The following ACLY variants were observed in gnomAD, a reference collection of about 807,000 sequenced individuals.
ACLY encodes the protein ATP-citrate synthase.
ACLY carries 41 observed loss-of-function variants against 133.0 expected under a neutral mutation model. The observed-to-expected ratio is 0.31, with a 90% CI of 0.24 to 0.40. The LOEUF (loss-of-function observed/expected upper bound fraction) is 0.40. Ranked by LOEUF, ACLY falls within the 10% of genes least tolerant of loss-of-function variation. The pLI is 1.00. For synonymous variants in ACLY, 495 were observed against 549.3 expected (o/e 0.90, Z 1.38); for missense variants, 1,046 against 1,453.8 (o/e 0.72, Z 4.56).
At chr17:41,908,212 C>A (rs2049784365) in intron 6 of ACLY, among the ~76,000 whole-genome samples, 1 of 152,214 alleles carries the variant, frequency 6.6e-6, no homozygotes, top group African/African-American at 2.4e-5. Flanking sequence ...CCTGAGAAGT[C>A]CTGGCCAGAG....
intron 1 of ACLY, among the ~76,000 whole-genome samples, chr17:41,915,750 A>G (rs530340300): frequency 1.3e-5 from 2 of 151,408 alleles, no homozygotes; most frequent in Admixed American, 1.3e-4. Flanking sequence ...ATTTCCCAAT[A>G]TTTTTGACTC....
At chr17:41,894,555 CA>C (rs570391103) in intron 14 of ACLY, among the ~76,000 whole-genome samples, 37 of 126,984 alleles carry the variant, frequency 2.9e-4, no homozygotes, top group South Asian at 2.6e-4. Context: ...GACCCCACCT[CA>C]AAAAAAAAAA....
At chr17:41,890,383 TG>T (rs2144299864) in intron 16 of ACLY, among the ~76,000 whole-genome samples, 1 of 148,394 alleles carries the variant, frequency 6.7e-6, no homozygotes, top group African/African-American at 2.5e-5. Flanking sequence ...GCTGACCGAT[TG>T]AAAAAAAAAA....
In ACLY at chr17:41,898,677, G is replaced by A. The variant is rs782383157; in HGVS notation, c.1292C>T (p.Ala431Val). Residue 431 changes from alanine to valine, a missense_variant, in exon 12 of 29, where the codon GCG (alanine) becomes GTG (valine). Transcript: ENST00000352035. ...GAGGAGGAAGTTTGCAGTGTGGGCC[G>A]CTGTGGGTGGCTGGTTGGGGATGGG... ...HRPIPNQPPT[A>V]AHTANFLLNA... 7.4e-6 allele frequency: 12 copies of A among 1,613,782 alleles called. No homozygotes were observed. Among genetic ancestry groups the A allele is most frequent in the East Asian group, 2.2e-5 (1 of 44,868 alleles).
chr17:41,905,783 A>ATC, intron 8 of ACLY, 125 bp from the exon 9 acceptor site: 7 of 1,179,222 alleles, frequency 5.9e-6, no homozygotes, highest in Non-Finnish European at 7.4e-6. Flanking sequence ...GGCCTCTTGG[A>ATC]TCTCCAGCCC....
intron 14 of ACLY, among the ~76,000 whole-genome samples, chr17:41,896,401 A>G (rs1169223203): frequency 1.3e-5 from 2 of 152,160 alleles, no homozygotes; most frequent in African/African-American, 4.8e-5. Context: ...ACAGCCACAC[A>G]GTGAGGAGAG....
chr17:41,904,713 C>A lies in ACLY; in HGVS notation c.1065+16G>T. 1 of 1,612,328 alleles carries A rather than the reference C, an allele frequency of 6.2e-7. No homozygotes were observed. The highest frequency in any genetic ancestry group is 8.5e-7 in the Non-Finnish European group (1 of 1,178,398). On this transcript the variant is annotated intron_variant, in intron 10 of 28. Coordinates refer to ENST00000352035, the MANE Select transcript of ACLY (RefSeq NM_001096.3). ...ACCACTTTCCCCAGAAACTGCACCACTGTTGCAACTGTTACCTTGAACGTG... is the reference window on the plus strand; with the variant it reads ...ACCACTTTCCCCAGAAACTGCACCAATGTTGCAACTGTTACCTTGAACGTG...
At chr17:41,900,379 AAAAAAAAG>A (rs1208654978) in intron 11 of ACLY, among the ~76,000 whole-genome samples, 11 of 30,780 alleles carry the variant, frequency 3.6e-4, no homozygotes, top group Admixed American at 2.0e-3. Flanking sequence ...AAAAAAAAAG[AAAAAAAAG>A]AAAAAAAATT....
chr17:41,888,337 T>G (rs1555628644), intron 16 of ACLY, among the ~76,000 whole-genome samples: 1 of 152,166 alleles, frequency 6.6e-6, no homozygotes, highest in Non-Finnish European at 1.5e-5. Flanking sequence ...CTACGTTCAC[T>G]CTCACCCAAA....
intron 1 of ACLY, among the ~76,000 whole-genome samples, chr17:41,929,094 CTTTTT>C (rs111865267): frequency 2.2e-5 from 3 of 133,556 alleles, no homozygotes; most frequent in South Asian, 2.4e-4. Context: ...ATGTTATTTC[CTTTTT>C]TTTTTTTTTT....
chr17:41,911,652 A>T (rs550385604), intron 3 of ACLY, among the ~76,000 whole-genome samples: 2 of 150,940 alleles, frequency 1.3e-5, no homozygotes, highest in Admixed American at 1.3e-4. Context: ...CTAACTCTAT[A>T]AAAAAATGTT....
chr17:41,928,089 A>G (rs546062989), intron 1 of ACLY, among the ~76,000 whole-genome samples: 1 of 152,200 alleles, frequency 6.6e-6, no homozygotes, highest in Non-Finnish European at 1.5e-5. Context: ...CAGTGAGTCA[A>G]GATCTCACTA....
At chr17:41,882,917 A>C (rs1223827577) in intron 20 of ACLY, among the ~76,000 whole-genome samples, 1 of 152,198 alleles carries the variant, frequency 6.6e-6, no homozygotes, top group Non-Finnish European at 1.5e-5. Flanking sequence ...CTGTAGCTTT[A>C]ATCTGCTTAT....
chr17:41,917,883 C>A (rs1207833681), intron 1 of ACLY, among the ~76,000 whole-genome samples: 2 of 152,148 alleles, frequency 1.3e-5, no homozygotes, highest in Admixed American at 6.5e-5. Context: ...CCAGCTGTCC[C>A]TCACCCCACA....
chr17:41,926,262 T>C (rs2050242509), intron 1 of ACLY, among the ~76,000 whole-genome samples: 1 of 152,202 alleles, frequency 6.6e-6, no homozygotes, highest in Non-Finnish European at 1.5e-5. Context: ...TCTAGCACTC[T>C]TTATCCTGCT....
intron 3 of ACLY, 70 bp from the exon 4 acceptor site, chr17:41,910,354 C>T: frequency 7.1e-7 from 1 of 1,416,054 alleles, no homozygotes; most frequent in Non-Finnish European, 9.9e-7. Context: ...GAAGGAGGGA[C>T]TGCACAGGGG....
intron 22 of ACLY, among the ~76,000 whole-genome samples, chr17:41,875,102 A>G (rs1197109537): frequency 6.6e-6 from 1 of 151,850 alleles, no homozygotes; most frequent in Non-Finnish European, 1.5e-5. Context: ...TAATCTCAGC[A>G]CTTTGGGAGA....
At chr17:41,889,102 G>C (rs1330650007) in intron 16 of ACLY, among the ~76,000 whole-genome samples, 1 of 152,014 alleles carries the variant, frequency 6.6e-6, no homozygotes, top group Non-Finnish European at 1.5e-5. Context: ...TGGGCAATGA[G>C]AGCAAAACTC....
chr17:41,890,438 A>T (rs145930835), intron 16 of ACLY, among the ~76,000 whole-genome samples: 7,186 of 151,424 alleles, frequency 0.047, 194 homozygotes, highest in East Asian at 0.11. Flanking sequence ...TAATCCCAGC[A>T]CTTTGGGAGG....
Sources: gnomAD v4.1 joint callset for allele counts (sites outside exome capture counted in the v4.1 genomes callset) on GRCh38, gnomAD v4.1.1 for gene constraint, MANE v1.5 for transcripts, NCBI Gene and HGNC (gene_info 2026-07-23, HGNC 2026-07-21) for gene names.